ZCCHC7: variants seen among roughly 807,000 people sequenced by gnomAD.
ZCCHC7 encodes zinc finger CCHC domain-containing protein 7.
ZCCHC7 carries 35 observed loss-of-function variants against 52.0 expected under a neutral mutation model. The ratio of observed to expected loss-of-function variants is 0.67; its 90% confidence interval spans 0.51 to 0.89. The LOEUF (loss-of-function observed/expected upper bound fraction) is 0.89, where lower values mean the gene tolerates loss of function less well. Ranked by LOEUF, ZCCHC7 falls within the 40% of genes least tolerant of loss-of-function variation. The probability of loss-of-function intolerance (pLI) is 0.00; values close to 1 mark genes in which losing one functional copy is unlikely to be tolerated. For missense variants in ZCCHC7, 574 were observed against 649.1 expected (o/e 0.88, Z 1.26); for synonymous variants, 217 against 221.5 (o/e 0.98, Z 0.18).
At chr9:37,290,317 T>C (rs375806185) in intron 2 of ZCCHC7, among the ~76,000 whole-genome samples, 1 of 152,322 alleles carries the variant, frequency 6.6e-6, no homozygotes, top group South Asian at 2.1e-4. Flanking sequence ...TTGGACCCAA[T>C]TTTAGTTTGA....
Position 37,335,481 on chromosome 9 carries a change from G to A in ZCCHC7, c.987+7647G>A, listed in dbSNP as rs530201448. Among the ~76,000 whole-genome samples, 9 of 152,266 alleles carry A rather than the reference G, an allele frequency of 5.9e-5. No homozygotes were observed. The East Asian group carries it at 1.7e-3, about 29-fold the overall frequency. ...TCTTCATCTGAAAAATGGGGATAAT[G>A]CCTTGTAGGATTTTGTTAAGTATAC... On this transcript the variant is annotated intron_variant, in intron 6 of 8. Coordinates refer to ENST00000336755, the MANE Select transcript of ZCCHC7 (RefSeq NM_032226.3).
intron 2 of ZCCHC7, among the ~76,000 whole-genome samples, chr9:37,217,663 C>T (rs1480675447): frequency 1.3e-5 from 2 of 152,038 alleles, no homozygotes; most frequent in Non-Finnish European, 2.9e-5. Flanking sequence ...ATATTGTGTC[C>T]ATGCTCTTGT....
At chr9:37,171,004 G>T (rs532198160) in intron 2 of ZCCHC7, among the ~76,000 whole-genome samples, 1 of 152,278 alleles carries the variant, frequency 6.6e-6, no homozygotes, top group East Asian at 1.9e-4. Context: ...CTCACAGATT[G>T]CAGGACTGTA....
At chr9:37,213,926 G>A (rs943623446) in intron 2 of ZCCHC7, among the ~76,000 whole-genome samples, 7 of 152,112 alleles carry the variant, frequency 4.6e-5, no homozygotes, top group Middle Eastern at 3.4e-3. Flanking sequence ...GTTGGGAATC[G>A]GAGATGATAG....
chr9:37,333,773 T>G (rs1340249519), intron 6 of ZCCHC7: 1 of 151,964 alleles, frequency 6.6e-6, no homozygotes, highest in African/African-American at 2.4e-5. Flanking sequence ...TTTTAACATA[T>G]ATAACACACT....
chr9:37,327,688 C>A, intron 5 of ZCCHC7, 111 bp from the exon 6 acceptor site: 1 of 1,156,292 alleles, frequency 8.6e-7, no homozygotes, highest in Non-Finnish European at 1.3e-6. Context: ...TTCTGTTAAG[C>A]TTCTTATTTT....
chr9:37,256,294 C>G (rs1826583767), intron 2 of ZCCHC7, among the ~76,000 whole-genome samples: 1 of 152,140 alleles, frequency 6.6e-6, no homozygotes, highest in Non-Finnish European at 1.5e-5. Flanking sequence ...TGGTAGTTCT[C>G]ATCGTGTGGT....
At chr9:37,211,517 A>C (rs182540629) in intron 2 of ZCCHC7, among the ~76,000 whole-genome samples, 1 of 150,990 alleles carries the variant, frequency 6.6e-6, no homozygotes, top group South Asian at 2.1e-4. Flanking sequence ...ATTTTTTTTT[A>C]TTTATAATGC....
In ZCCHC7 at chr9:37,199,807, G is replaced by A. The variant is rs542927788; in HGVS notation, c.610+72865G>A. ...TGCAAGCTCCACCTCCTGGGTTCAC[G>A]CCATTCTCCTGCCTCAGCCTCCCAG... On this transcript the variant is annotated intron_variant, in intron 2 of 8. Transcript: ENST00000336755. 2.2e-4 allele frequency among the ~76,000 whole-genome samples: 33 copies of A among 151,906 alleles called. 1 individual carries two copies. Among genetic ancestry groups the A allele is most frequent in the Admixed American group, 2.0e-3 (31 of 15,276 alleles).
chr9:37,323,323 A>T (rs1227712575), intron 5 of ZCCHC7, among the ~76,000 whole-genome samples: 6 of 152,198 alleles, frequency 3.9e-5, no homozygotes, highest in African/African-American at 1.4e-4. Flanking sequence ...TGCCTTCATA[A>T]CTGTACTTAA....
chr9:37,196,438 TGG>T, intron 2 of ZCCHC7, among the ~76,000 whole-genome samples: 2 of 152,294 alleles, frequency 1.3e-5, no homozygotes, highest in Non-Finnish European at 2.9e-5. Context: ...ATGATTTTTA[TGG>T]CAGGTAAAGA....
chr9:37,157,541 G>A lies in ZCCHC7; in HGVS notation c.610+30599G>A, dbSNP rs60567730. 4.0e-3 allele frequency among the ~76,000 whole-genome samples: 602 copies of A among 152,194 alleles called. 3 individuals carry two copies. The highest frequency in any genetic ancestry group is 0.014 in the African/African-American group (564 of 41,530). On this transcript the variant is annotated intron_variant, in intron 2 of 8. Coordinates refer to ENST00000336755, the MANE Select transcript of ZCCHC7 (RefSeq NM_032226.3). ...ATGAGAGAAAATATTTATAACCCAC[G>A]TATCTGATAGGGGACTAATATCTAA...
chr9:37,151,817 A>C (rs540811395), intron 2 of ZCCHC7, among the ~76,000 whole-genome samples: 47 of 152,174 alleles, frequency 3.1e-4, no homozygotes, highest in African/African-American at 1.1e-3. Context: ...AGAAAAAAAA[A>C]ATCTTTTTTC....
At chr9:37,261,572 C>T (rs1377851560) in intron 2 of ZCCHC7, among the ~76,000 whole-genome samples, 1 of 152,186 alleles carries the variant, frequency 6.6e-6, no homozygotes, top group Non-Finnish European at 1.5e-5. Context: ...TCAGGGTGGC[C>T]TGGCAGGAGC....
chr9:37,204,950 C>G (rs1440680159), intron 2 of ZCCHC7, among the ~76,000 whole-genome samples: 1 of 152,144 alleles, frequency 6.6e-6, no homozygotes, highest in Non-Finnish European at 1.5e-5. Context: ...AATGTGTCCC[C>G]CAAAGGTCAT....
intron 2 of ZCCHC7, among the ~76,000 whole-genome samples, chr9:37,150,802 A>C (rs919758261): frequency 3.9e-5 from 6 of 152,192 alleles, no homozygotes; most frequent in Admixed American, 2.6e-4. Context: ...AAAATTACAG[A>C]ATATTGTAAT....
At chr9:37,292,883 C>T (rs1588624364) in intron 2 of ZCCHC7, among the ~76,000 whole-genome samples, 2 of 137,592 alleles carry the variant, frequency 1.5e-5, no homozygotes, top group African/African-American at 2.7e-5. Flanking sequence ...GGAAAACAGT[C>T]TTAGATCTCA....
At chr9:37,192,329 A>G (rs1220399228) in intron 2 of ZCCHC7, among the ~76,000 whole-genome samples, 1 of 152,212 alleles carries the variant, frequency 6.6e-6, no homozygotes, top group Non-Finnish European at 1.5e-5. Flanking sequence ...ATTAGTAACT[A>G]TTATTTTTCT....
At position 37,319,243 on chromosome 9, in the gene ZCCHC7, T is replaced by C. The variant is rs527379533; in HGVS notation, c.952-8556T>C. Among the ~76,000 whole-genome samples, 6 of 152,308 alleles carry C rather than the reference T, an allele frequency of 3.9e-5. No homozygotes were observed. In the East Asian group the frequency reaches 1.2e-3, roughly 29 times the overall value. On this transcript the variant is annotated intron_variant, in intron 5 of 8. Coordinates refer to ENST00000336755, the MANE Select transcript of ZCCHC7 (RefSeq NM_032226.3). ...TGTTAATTTTCTTCTTATTGGCTGT[T>C]GATAGTTCTGTCTGTATTTTGGATA...
Sources: gnomAD v4.1 joint callset for allele counts (sites outside exome capture counted in the v4.1 genomes callset) on GRCh38, gnomAD v4.1.1 for gene constraint, MANE v1.5 for transcripts, NCBI Gene and HGNC (gene_info 2026-07-23, HGNC 2026-07-21) for gene names.